The following CWC27 variants were observed in gnomAD, a reference collection of about 807,000 sequenced individuals.
CWC27 encodes the protein spliceosome-associated protein CWC27 homolog.
A neutral mutation model predicts 63.6 loss-of-function variants in CWC27; 47 were observed. The ratio of observed to expected loss-of-function variants is 0.74; its 90% CI spans 0.58 to 0.94. CWC27 has a LOEUF of 0.94. Ranked by LOEUF, CWC27 falls within the 40% of genes least tolerant of loss-of-function variation. The pLI is 0.00. For synonymous variants in CWC27, 175 were observed against 179.8 expected (o/e 0.97, Z 0.22); for missense variants, 495 against 554.3 (o/e 0.89, Z 1.07).
intron 11 of CWC27, among the ~76,000 whole-genome samples, chr5:64,910,190 A>G (rs928145092): frequency 6.6e-6 from 1 of 152,202 alleles, no homozygotes; most frequent in Non-Finnish European, 1.5e-5. Flanking sequence ...CAGGTCCCTC[A>G]GCTGCAGGTC....
intron 13 of CWC27, among the ~76,000 whole-genome samples, chr5:64,993,148 C>T (rs932936464): frequency 3.3e-5 from 5 of 152,058 alleles, no homozygotes; most frequent in Non-Finnish European, 7.4e-5. Context: ...ATGGAAAGCA[C>T]TCAGTATAGT....
chr5:65,014,775 A>G (rs559312753), intron 13 of CWC27, among the ~76,000 whole-genome samples: 1 of 152,338 alleles, frequency 6.6e-6, no homozygotes, highest in East Asian at 1.9e-4. Context: ...TATTATGCTG[A>G]AAATCATAAT....
chr5:64,977,412 A>G (rs921702213), intron 13 of CWC27, among the ~76,000 whole-genome samples, 174 bp downstream of exon 13: 1 of 152,242 alleles, frequency 6.6e-6, no homozygotes, highest in Admixed American at 6.5e-5. Context: ...ATAAATAAAC[A>G]CACCAAGCAC....
intron 13 of CWC27, among the ~76,000 whole-genome samples, chr5:64,999,778 A>C (rs1749699285): frequency 6.6e-6 from 1 of 152,038 alleles, no homozygotes; most frequent in Non-Finnish European, 1.5e-5. Context: ...TAGCTATTGT[A>C]AATAGTGCTG....
intron 11 of CWC27, among the ~76,000 whole-genome samples, chr5:64,917,178 G>C (rs1185438664): frequency 1.3e-5 from 2 of 152,024 alleles, no homozygotes; most frequent in Non-Finnish European, 2.9e-5. Flanking sequence ...GCAGTATTTT[G>C]TGATGTCCAG....
intron 10 of CWC27, among the ~76,000 whole-genome samples, chr5:64,842,685 C>T (rs1453002113): frequency 2.6e-5 from 4 of 152,098 alleles, no homozygotes; most frequent in African/African-American, 9.6e-5. Context: ...CTGCAGCCTC[C>T]GCTTCCCAGG....
chr5:64,923,911 A>G, intron 11 of CWC27, among the ~76,000 whole-genome samples: 1 of 151,860 alleles, frequency 6.6e-6, no homozygotes, highest in East Asian at 1.9e-4. Flanking sequence ...TTTTCCAATC[A>G]GCCAAATTAA....
intron 2 of CWC27, among the ~76,000 whole-genome samples, chr5:64,776,470 C>A (rs1037503462): frequency 6.6e-6 from 1 of 151,942 alleles, no homozygotes; most frequent in Non-Finnish European, 1.5e-5. Context: ...TCAATTATTA[C>A]AACAATTATT....
chr5:64,957,218 T>A (rs1207548378), intron 11 of CWC27, among the ~76,000 whole-genome samples: 1 of 152,188 alleles, frequency 6.6e-6, no homozygotes, highest in Non-Finnish European at 1.5e-5. Context: ...CCTTGGGCAA[T>A]TTTAGGTAGT....
chr5:64,913,704 A>G (rs539470591), intron 11 of CWC27, among the ~76,000 whole-genome samples: 1 of 152,212 alleles, frequency 6.6e-6, no homozygotes, highest in Non-Finnish European at 1.5e-5. Context: ...ATTAAAGATT[A>G]TCTATAAAAT....
intron 11 of CWC27, among the ~76,000 whole-genome samples, chr5:64,904,644 T>A (rs1346766937): frequency 6.6e-6 from 1 of 152,212 alleles, no homozygotes. Context: ...TGTCACTAAG[T>A]CTAGCCCACA....
At chr5:64,927,544 G>A (rs1748142620) in intron 11 of CWC27, among the ~76,000 whole-genome samples, 1 of 152,054 alleles carries the variant, frequency 6.6e-6, no homozygotes, top group South Asian at 2.1e-4. Flanking sequence ...TTTGTCTCAG[G>A]GCAGGGTGCC....
intron 13 of CWC27, among the ~76,000 whole-genome samples, chr5:64,991,813 G>A (rs1039524732): frequency 5.3e-5 from 8 of 152,166 alleles, no homozygotes; most frequent in Non-Finnish European, 1.5e-5. Flanking sequence ...GCCCCAAATT[G>A]TATTTATATT....
chr5:64,943,887 C>T (rs1748539011), intron 11 of CWC27, among the ~76,000 whole-genome samples: 1 of 152,064 alleles, frequency 6.6e-6, no homozygotes, highest in South Asian at 2.1e-4. Flanking sequence ...CACTGGCTGG[C>T]AAAGAGTGGA....
At position 64,824,728 on chromosome 5, in the gene CWC27, C is replaced by CTTTTTTTTT. The variant is rs768576527; in HGVS notation, c.938+20356_938+20364dup. 6.0e-4 allele frequency among the ~76,000 whole-genome samples: 55 copies of CTTTTTTTTT among 91,976 alleles called. 2 individuals are homozygous for CTTTTTTTTT. The highest frequency in any genetic ancestry group is 8.7e-4 in the Non-Finnish European group (42 of 48,274). The allele number at this position is 91,976 out of a possible 152,430, so 60.3% of individuals were successfully genotyped here. Reference sequence around the variant, plus strand: ...CAGGGGAAGTGTTCCTTTCTTTTCTCTTTTTTTTTTTTTTTTTTTTTTGAG... The same window carrying CTTTTTTTTT: ...CAGGGGAAGTGTTCCTTTCTTTTCTCTTTTTTTTTTTTTTTTTTTTTTTTTTTTTTTGAG... On this transcript the variant is annotated intron_variant, in intron 10 of 13. Transcript: ENST00000381070.
chr5:64,966,840 T>C (rs1749023170), intron 11 of CWC27, among the ~76,000 whole-genome samples: 1 of 152,158 alleles, frequency 6.6e-6, no homozygotes, highest in Non-Finnish European at 1.5e-5. Context: ...GGCTTCATTA[T>C]ACCATTCTCT....
intron 11 of CWC27, among the ~76,000 whole-genome samples, chr5:64,927,082 T>G (rs1303553390): frequency 6.6e-6 from 1 of 152,170 alleles, no homozygotes; most frequent in Non-Finnish European, 1.5e-5. Context: ...AAATTCAGGT[T>G]TTAGTTGAGG....
intron 11 of CWC27, among the ~76,000 whole-genome samples, chr5:64,970,508 G>T (rs1749105304): frequency 6.6e-6 from 1 of 152,134 alleles, no homozygotes; most frequent in African/African-American, 2.4e-5. Context: ...CACCACGCCC[G>T]GCCGAAAGTA....
chr5:64,778,410 T>C (rs981408155), intron 2 of CWC27, among the ~76,000 whole-genome samples: 1 of 152,176 alleles, frequency 6.6e-6, no homozygotes, highest in African/African-American at 2.4e-5. Context: ...AATCTGATCA[T>C]GTGCACAGTG....
Sources: gnomAD v4.1 joint callset for allele counts (sites outside exome capture counted in the v4.1 genomes callset) on GRCh38, gnomAD v4.1.1 for gene constraint, MANE v1.5 for transcripts, NCBI Gene and HGNC (gene_info 2026-07-23, HGNC 2026-07-21) for gene names.